SCFD2: variants seen among roughly 807,000 people sequenced by gnomAD.
SCFD2 encodes sec1 family domain-containing protein 2.
Under a neutral mutation model 58.9 loss-of-function variants are expected in SCFD2, and 54 were observed. That is an observed-to-expected ratio of 0.92 (90% CI 0.74 to 1.15). SCFD2 has a LOEUF of 1.15. Among genes scored for constraint, SCFD2 ranks in the 50% most tolerant of loss-of-function variants. SCFD2 has a pLI of 0.00. For synonymous variants in SCFD2, 321 were observed against 335.9 expected, an observed-to-expected ratio of 0.96 and a Z score of 0.49; for missense variants, 805 against 836.6, an observed-to-expected ratio of 0.96 and a Z score of 0.47.
At chr4:53,253,042 G>GA (rs1254696655) in intron 4 of SCFD2, among the ~76,000 whole-genome samples, 7 of 151,738 alleles carry the variant, frequency 4.6e-5, no homozygotes, top group Non-Finnish European at 7.4e-5. Flanking sequence ...ACATTTACAA[G>GA]AAAAAAACAA....
intron 2 of SCFD2, among the ~76,000 whole-genome samples, chr4:53,321,757 CT>C (rs1378472170): frequency 3.3e-5 from 5 of 152,154 alleles, no homozygotes; most frequent in Non-Finnish European, 7.3e-5. Flanking sequence ...ACAATTACAT[CT>C]TTAACAAATG....
intron 3 of SCFD2, among the ~76,000 whole-genome samples, chr4:53,277,793 C>T (rs1731372217): frequency 6.6e-6 from 1 of 152,324 alleles, no homozygotes; most frequent in South Asian, 2.1e-4. Context: ...TGGCTCACGC[C>T]TGTAATCGCA....
rs181716469 is a variant in SCFD2, at chr4:52,972,196, G to A, written c.1562-51326C>T. Reference sequence around the variant, plus strand: ...AACCTTAAATGCAAATGGGCTAAATGCTCCAATTAAAAGGCACAGACTGGC... The same window carrying A: ...AACCTTAAATGCAAATGGGCTAAATACTCCAATTAAAAGGCACAGACTGGC... On this transcript the variant is annotated intron_variant, in intron 5 of 8. Coordinates refer to ENST00000401642, the MANE Select transcript of SCFD2 (RefSeq NM_152540.4). Among the ~76,000 whole-genome samples the A allele has an allele frequency of 1.6e-3, 246 of 152,278 alleles. 2 individuals are homozygous for A. Among genetic ancestry groups the A allele is most frequent in the African/African-American group, 5.7e-3 (235 of 41,558 alleles).
intron 4 of SCFD2, among the ~76,000 whole-genome samples, chr4:53,226,200 G>T (rs1309056225): frequency 1.3e-5 from 2 of 151,852 alleles, no homozygotes; most frequent in Admixed American, 6.6e-5. Context: ...TTTCCCACTG[G>T]TTTGTGATAC....
intron 5 of SCFD2, among the ~76,000 whole-genome samples, chr4:53,095,134 T>A (rs1459285682): frequency 6.6e-6 from 1 of 152,146 alleles, no homozygotes; most frequent in Non-Finnish European, 1.5e-5. Context: ...CTATACTCAA[T>A]CCCTTAGTGA....
At chr4:53,222,757 TA>T (rs1729086109) in intron 4 of SCFD2, among the ~76,000 whole-genome samples, 1 of 152,206 alleles carries the variant, frequency 6.6e-6, no homozygotes, top group South Asian at 2.1e-4. Flanking sequence ...CTGCAAATAA[TA>T]TGCCAGAAGA....
chr4:52,887,958 C>G (rs987209670), intron 7 of SCFD2, among the ~76,000 whole-genome samples: 4 of 133,402 alleles, frequency 3.0e-5, no homozygotes, highest in Non-Finnish European at 6.1e-5. Context: ...GGCCGGACTG[C>G]GGACTGCAGT....
At chr4:53,178,289 T>C (rs925171276) in intron 4 of SCFD2, among the ~76,000 whole-genome samples, 1 of 152,128 alleles carries the variant, frequency 6.6e-6, no homozygotes, top group Non-Finnish European at 1.5e-5. Context: ...CGGGTACTCC[T>C]CTGAGACAAA....
intron 2 of SCFD2, among the ~76,000 whole-genome samples, chr4:53,346,926 A>G (rs781336464): frequency 7.2e-5 from 11 of 152,170 alleles, no homozygotes; most frequent in Admixed American, 1.3e-4. Context: ...TTTATTTTTA[A>G]TAACAAATAA....
intron 5 of SCFD2, among the ~76,000 whole-genome samples, chr4:52,946,190 G>A (rs1720420818): frequency 6.6e-6 from 1 of 152,092 alleles, no homozygotes; most frequent in East Asian, 1.9e-4. Flanking sequence ...TAATACCACA[G>A]TTAGTTCTGA....
In SCFD2 at chr4:53,111,248, A is replaced by G. The variant is rs547579543; in HGVS notation, c.1561+34085T>C. 1.1e-4 allele frequency among the ~76,000 whole-genome samples: 16 copies of G among 152,206 alleles called. No homozygotes were observed. In the East Asian group the frequency reaches 3.1e-3, roughly 29 times the overall value. ...AATACATAAGGTAGGTGATGGGTTG[A>G]TGGGTCCAGCAAACCATCATGGCAC... On this transcript the variant is annotated intron_variant, in intron 5 of 8. Transcript: ENST00000401642.
chr4:53,239,404 G>GAGAGGT (rs1729813605), intron 4 of SCFD2, among the ~76,000 whole-genome samples: 1 of 136,986 alleles, frequency 7.3e-6, no homozygotes, highest in African/African-American at 2.8e-5. Flanking sequence ...GAGTGAGAGG[G>GAGAGGT]AGAGGGAGAG....
chr4:52,988,582 T>C (rs1341855372), intron 5 of SCFD2, among the ~76,000 whole-genome samples: 1 of 152,146 alleles, frequency 6.6e-6, no homozygotes, highest in East Asian at 1.9e-4. Flanking sequence ...AGACTCTTCT[T>C]TTTATAGTCT....
chr4:52,905,800 A>G (rs559823110), intron 7 of SCFD2, among the ~76,000 whole-genome samples: 1 of 152,348 alleles, frequency 6.6e-6, no homozygotes, highest in South Asian at 2.1e-4. Context: ...ATTAAAAAAT[A>G]AACTCCAAAA....
chr4:53,351,192 A>T (rs866437430), intron 2 of SCFD2, among the ~76,000 whole-genome samples: 11 of 152,154 alleles, frequency 7.2e-5, no homozygotes, highest in Non-Finnish European at 1.5e-4. Flanking sequence ...GCTCATCATA[A>T]CTCCCAAAAA....
intron 4 of SCFD2, among the ~76,000 whole-genome samples, chr4:53,193,262 A>G (rs1727967128): frequency 6.6e-6 from 1 of 152,220 alleles, no homozygotes; most frequent in Non-Finnish European, 1.5e-5. Context: ...AACTAAGATT[A>G]CCACTACCTC....
At chr4:52,879,043 C>T (rs1437151257) in intron 8 of SCFD2, among the ~76,000 whole-genome samples, 3 of 152,102 alleles carry the variant, frequency 2.0e-5, no homozygotes, top group East Asian at 3.9e-4. Flanking sequence ...TCCTTCTCAA[C>T]ACAGGCCTGA....
chr4:53,202,491 A>G (rs1216821370), intron 4 of SCFD2, among the ~76,000 whole-genome samples: 3 of 150,888 alleles, frequency 2.0e-5, no homozygotes, highest in Non-Finnish European at 3.0e-5. Context: ...TTGGCTTAGG[A>G]TTGACTTGGC....
At chr4:53,215,671 T>C (rs186384624) in intron 4 of SCFD2, among the ~76,000 whole-genome samples, 2 of 152,232 alleles carry the variant, frequency 1.3e-5, no homozygotes, top group Admixed American at 1.3e-4. Context: ...AGCCAGAACT[T>C]CCAAAACTAT....
Sources: allele counts gnomAD v4.1 joint callset (sites outside exome capture counted in the v4.1 genomes callset), GRCh38; gene constraint gnomAD v4.1.1; transcripts MANE v1.5; gene names NCBI Gene and HGNC (gene_info 2026-07-23, HGNC 2026-07-21).